EIF4G3: variants seen among roughly 807,000 people sequenced by gnomAD.
EIF4G3 encodes eukaryotic translation initiation factor 4 gamma 3.
In EIF4G3, 34 loss-of-function variants were observed where a neutral mutation model predicts 186.4. The observed-to-expected ratio is 0.18, with a 90% CI of 0.14 to 0.24. The LOEUF is 0.24. Ranked by LOEUF, EIF4G3 falls within the 10% of genes least tolerant of loss-of-function variation. EIF4G3 has a pLI of 1.00. For synonymous variants in EIF4G3, 673 were observed against 679.5 expected (o/e 0.99, Z 0.15); for missense variants, 1,536 against 1,948.5 (o/e 0.79, Z 3.99).
At chr1:20,822,307 G>A (rs1443235233) in intron 33 of EIF4G3, among the ~76,000 whole-genome samples, 5 of 146,330 alleles carry the variant, frequency 3.4e-5, no homozygotes, top group Non-Finnish European at 6.0e-5. Flanking sequence ...TTTTTTTCAC[G>A]ATCAATCTGG....
At chr1:21,058,808 A>T (rs912913095) in intron 3 of EIF4G3, among the ~76,000 whole-genome samples, 4 of 133,692 alleles carry the variant, frequency 3.0e-5, no homozygotes, top group African/African-American at 1.2e-4. Context: ...AACTCAAGTG[A>T]TCCTCCTACC....
intron 4 of EIF4G3, among the ~76,000 whole-genome samples, chr1:21,022,777 C>T (rs1442559932): frequency 6.6e-6 from 1 of 152,184 alleles, no homozygotes; most frequent in Non-Finnish European, 1.5e-5. Context: ...CCAAGTCTCT[C>T]CAGTTGACCT....
chr1:21,061,746 T>C (rs1342160677), intron 3 of EIF4G3, among the ~76,000 whole-genome samples: 1 of 151,424 alleles, frequency 6.6e-6, no homozygotes, highest in Admixed American at 6.6e-5. Context: ...TGCTTGTTTT[T>C]TTTTTTTTTT....
intron 12 of EIF4G3, among the ~76,000 whole-genome samples, chr1:20,954,655 G>A (rs2096351926): frequency 6.6e-6 from 1 of 151,752 alleles, no homozygotes. Context: ...TCATTAGAAC[G>A]GTGTGTGTCA....
intron 11 of EIF4G3, among the ~76,000 whole-genome samples, chr1:20,970,554 A>G (rs2075655512): frequency 1.3e-5 from 2 of 152,160 alleles, no homozygotes; most frequent in Non-Finnish European, 2.9e-5. Flanking sequence ...CGGAGCTTGC[A>G]GTGAGCCAAG....
chr1:20,903,682 G>A (rs1262803976), intron 15 of EIF4G3, among the ~76,000 whole-genome samples: 1 of 152,128 alleles, frequency 6.6e-6, no homozygotes, highest in Non-Finnish European at 1.5e-5. Context: ...GACTAACAGT[G>A]ACATCAACAC....
At chr1:21,131,243 A>AC (rs985638857) in intron 2 of EIF4G3, among the ~76,000 whole-genome samples, 1 of 151,072 alleles carries the variant, frequency 6.6e-6, no homozygotes, top group African/African-American at 2.4e-5. Flanking sequence ...CTGCCTCAAA[A>AC]AAAAAAAAAA....
intron 4 of EIF4G3, among the ~76,000 whole-genome samples, chr1:21,021,942 T>C (rs1199441723): frequency 1.3e-5 from 2 of 152,158 alleles, no homozygotes; most frequent in East Asian, 3.9e-4. Flanking sequence ...AAAGTAAAAC[T>C]ATTGCTACTA....
intron 27 of EIF4G3, among the ~76,000 whole-genome samples, chr1:20,853,092 A>G (rs2073854356): frequency 6.6e-6 from 1 of 152,362 alleles, no homozygotes; most frequent in African/African-American, 2.4e-5. Flanking sequence ...TTTTATGTAA[A>G]CCAGCCAACA....
intron 2 of EIF4G3, among the ~76,000 whole-genome samples, chr1:21,105,469 C>G (rs916253032): frequency 6.6e-6 from 1 of 151,562 alleles, no homozygotes; most frequent in Middle Eastern, 3.2e-3. Flanking sequence ...ACCAAACCCC[C>G]ACCATGACAT....
At chr1:20,824,718 ATCT>A (rs2063179229) in intron 33 of EIF4G3, among the ~76,000 whole-genome samples, 1 of 152,146 alleles carries the variant, frequency 6.6e-6, no homozygotes, top group South Asian at 2.1e-4. Context: ...CTTGTCTCTA[ATCT>A]TCTACCTTAT....
rs1197512071 is a variant in EIF4G3 at position 20,933,288 on chromosome 1, A to T, written c.1663+8203T>A. Among the ~76,000 whole-genome samples the T allele has an allele frequency of 3.3e-5, 5 of 152,176 alleles. No homozygotes were observed. In the East Asian group the frequency reaches 9.6e-4, roughly 29 times the overall value. On this transcript the variant is annotated intron_variant, in intron 14 of 36. Coordinates refer to ENST00000602326, the MANE Select transcript of EIF4G3 (RefSeq NM_001391906.1). ...GACCAAGGAAATGACAAGCATCCAC[A>T]CCTAAGTGCAGGGATAAGGCAGGGG...
intron 14 of EIF4G3, 138 bp downstream of exon 14, chr1:20,941,353 C>A: frequency 6.3e-7 from 1 of 1,589,078 alleles, no homozygotes; most frequent in African/African-American, 1.3e-5. Flanking sequence ...AAACACACCA[C>A]TGAAGAAACC....
At chr1:20,911,075 T>C (rs1192826438) in intron 14 of EIF4G3, among the ~76,000 whole-genome samples, 1 of 152,160 alleles carries the variant, frequency 6.6e-6, no homozygotes, top group East Asian at 1.9e-4. Context: ...TTGTTATAGA[T>C]TGTAGGATAG....
chr1:21,103,923 AC>A (rs950690017), intron 2 of EIF4G3, among the ~76,000 whole-genome samples: 2 of 152,162 alleles, frequency 1.3e-5, no homozygotes, highest in African/African-American at 4.8e-5. Flanking sequence ...AGAATTCCTT[AC>A]CATTTCATGC....
chr1:21,114,483 A>G (rs1232354624), intron 2 of EIF4G3, among the ~76,000 whole-genome samples: 1 of 152,208 alleles, frequency 6.6e-6, no homozygotes, highest in African/African-American at 2.4e-5. Context: ...TCACAAGCAC[A>G]GTCATCTATT....
intron 2 of EIF4G3, chr1:21,161,470 T>G (rs1293642792): frequency 6.6e-6 from 1 of 152,018 alleles, no homozygotes; most frequent in Non-Finnish European, 1.5e-5. Context: ...ACCATTGCAC[T>G]CCAGCCTGGG....
intron 14 of EIF4G3, among the ~76,000 whole-genome samples, chr1:20,934,311 G>GTC (rs1339101344): frequency 1.3e-5 from 2 of 152,172 alleles, no homozygotes; most frequent in Non-Finnish European, 2.9e-5. Context: ...TTCTTAAACA[G>GTC]TTTGGGTCAG....
At chr1:21,057,467 G>A (rs2094612719) in intron 3 of EIF4G3, among the ~76,000 whole-genome samples, 1 of 152,084 alleles carries the variant, frequency 6.6e-6, no homozygotes, top group Non-Finnish European at 1.5e-5. Context: ...TTAGTCAATA[G>A]ATGTACACAT....
Sources: allele counts gnomAD v4.1 joint callset (sites outside exome capture counted in the v4.1 genomes callset), GRCh38; gene constraint gnomAD v4.1.1; transcripts MANE v1.5; gene names NCBI Gene and HGNC (gene_info 2026-07-23, HGNC 2026-07-21).